The following CRTC3 variants were observed in gnomAD, a reference collection of about 807,000 sequenced individuals.
CRTC3 encodes the protein CREB regulated transcription coactivator 3.
In CRTC3, 26 loss-of-function variants were observed where a neutral mutation model predicts 74.5. That is an observed-to-expected ratio of 0.35 (90% confidence interval 0.26 to 0.48). The LOEUF is 0.48. Ranked by LOEUF, CRTC3 falls within the 20% of genes least tolerant of loss-of-function variation. The probability of loss-of-function intolerance (pLI) is 0.99; values close to 1 mark genes in which losing one functional copy is unlikely to be tolerated. For synonymous variants in CRTC3, 377 were observed against 325.8 expected (o/e 1.16, Z -1.69); for missense variants, 760 against 787.3 (o/e 0.97, Z 0.41).
At position 90,643,601 on chromosome 15, in the gene CRTC3, T is replaced by G. The variant is rs1433392117; in HGVS notation, c.*1461T>G. ...AGTTTATAGTAAAACGAAGGCCTAA[T>G]TCATGGAAGCATCATTAGTCATCAA... On this transcript the variant is annotated 3_prime_UTR_variant, in exon 15 of 15. Transcript: ENST00000268184. The G allele has an allele frequency of 4.3e-6, 1 of 229,976 alleles. No homozygotes were observed. Among genetic ancestry groups the G allele is most frequent in the Non-Finnish European group, 8.6e-6 (1 of 116,450 alleles). The allele number at this position is 229,976 out of a possible 1,614,324, so 14.2% of individuals were successfully genotyped here.
At chr15:90,596,249 G>T (rs1475510885) in intron 3 of CRTC3, 2 of 152,226 alleles carry the variant, frequency 1.3e-5, no homozygotes, top group Non-Finnish European at 2.9e-5. Flanking sequence ...AATGGTTTTA[G>T]ATGGTAATGA....
At chr15:90,623,862 C>G (rs1968735114) in intron 9 of CRTC3, among the ~76,000 whole-genome samples, 1 of 152,186 alleles carries the variant, frequency 6.6e-6, no homozygotes, top group Admixed American at 6.5e-5. Flanking sequence ...CCTCACAGTT[C>G]TGAGGGCACA....
rs1278212794 is a variant in CRTC3 at position 90,530,263 on chromosome 15, C to T, written c.132+60C>T. 1.0e-5 allele frequency: 10 copies of T among 991,814 alleles called. No individual in the cohort carries two copies. The East Asian group carries it at 6.0e-4, about 60-fold the overall frequency. 61.4% of individuals were successfully genotyped at this position (991,814 alleles called of 1,614,324 possible). On this transcript the variant is annotated intron_variant, in intron 1 of 14. Coordinates refer to ENST00000268184, the MANE Select transcript of CRTC3 (RefSeq NM_022769.5). The surrounding 1 kb of genome is among the most constrained non-coding windows in gnomAD (Gnocchi z 6.2). The stretch of plus-strand genomic sequence containing the variant: ...ACGGCCGCGGGCGGGACCCGCGCGG[C>T]GGGTGAGAGGTTGCGGGGCCAAGGC...
intron 2 of CRTC3, among the ~76,000 whole-genome samples, chr15:90,566,188 A>G (rs1967118167): frequency 1.3e-5 from 2 of 152,176 alleles, no homozygotes; most frequent in South Asian, 4.1e-4. Flanking sequence ...ATGAAGACTG[A>G]GAGAGCTGAG....
Position 90,530,087 on chromosome 15 carries a change from G to A in CRTC3, c.16G>A (p.Gly6Ser), listed in dbSNP as rs778396056. The part of the protein sequence containing the change: MAASP[G>S]SGSANPRKFS... ...AGTCCGCGCCATGGCCGCCTCGCCG[G>A]GCTCGGGCAGCGCCAACCCGCGGAA... The change falls in exon 1 of 15, where the codon GGC (glycine) becomes AGC (serine). Residue 6 changes from glycine to serine, a missense_variant. Around this residue, in one of 2 missense-constraint regions of CRTC3, gnomAD observed 108 missense variants for 152.1 expected, o/e 0.71. Coordinates refer to ENST00000268184, the MANE Select transcript of CRTC3 (RefSeq NM_022769.5). This position sits in a 1 kb window ranked among gnomAD's most constrained non-coding sequence, Gnocchi z 6.2. 2.1e-6 allele frequency: 3 copies of A among 1,440,828 alleles called. No individual in the cohort carries two copies. Among genetic ancestry groups the A allele is most frequent in the Non-Finnish European group, 2.8e-6 (3 of 1,080,986 alleles). 89.3% of individuals were successfully genotyped at this position (1,440,828 alleles called of 1,614,324 possible).
At chr15:90,547,142 G>A (rs546458017) in intron 2 of CRTC3, among the ~76,000 whole-genome samples, 2 of 151,930 alleles carry the variant, frequency 1.3e-5, no homozygotes, top group African/African-American at 4.8e-5. Flanking sequence ...ATATATTTAT[G>A]GTATACGATA....
intron 2 of CRTC3, among the ~76,000 whole-genome samples, chr15:90,565,068 G>A (rs1449260465): frequency 2.0e-5 from 3 of 152,098 alleles, no homozygotes; most frequent in East Asian, 1.9e-4. Context: ...ACAGCCTCCC[G>A]AGTAGGTGGG....
At chr15:90,545,428 C>A (rs960525848) in intron 2 of CRTC3, among the ~76,000 whole-genome samples, 14 of 132,710 alleles carry the variant, frequency 1.1e-4, no homozygotes, top group Non-Finnish European at 1.2e-4. Context: ...GAGACTGAAT[C>A]TCGCTCTGTC....
chr15:90,619,652 A>T, intron 8 of CRTC3, 89 bp from the exon 9 acceptor site: 2 of 1,046,360 alleles, frequency 1.9e-6, no homozygotes, highest in South Asian at 1.3e-5. Context: ...TGCGCCCACT[A>T]GAGCCTCAAG....
At chr15:90,632,190 A>ATTTTATAAGATCTAAAAGTATT (rs1969063928) in intron 11 of CRTC3, among the ~76,000 whole-genome samples, 2 of 150,944 alleles carry the variant, frequency 1.3e-5, no homozygotes, top group Non-Finnish European at 2.9e-5. Flanking sequence ...TTGCAAGATT[A>ATTTTATAAGATCTAAAAGTATT]TTTTATAAGA....
chr15:90,637,455 A>G (rs1969281908), intron 11 of CRTC3, among the ~76,000 whole-genome samples: 1 of 152,198 alleles, frequency 6.6e-6, no homozygotes, highest in African/African-American at 2.4e-5. Context: ...CCTAACGTAA[A>G]TGACGAGTTA....
chr15:90,587,345 G>A (rs1967689241), intron 2 of CRTC3, among the ~76,000 whole-genome samples: 1 of 152,138 alleles, frequency 6.6e-6, no homozygotes, highest in Non-Finnish European at 1.5e-5. Flanking sequence ...TGCTTCTTTT[G>A]GAAGATTCAC....
rs1968541224 is a variant in CRTC3 at position 90,618,096 on chromosome 15, GAT to G, written c.699+130_699+131del. On this transcript the variant is annotated intron_variant, in intron 8 of 14. Transcript: ENST00000268184. ...AGGAGAAGATTTGTCTGAGAACAGA[GAT>G]AAGAATATACAAGGGAAGGACGTTT... 1.0e-5 allele frequency: 6 copies of G among 574,834 alleles called. 1 individual carries two copies. The highest frequency in any genetic ancestry group is 8.7e-5 in the South Asian group (4 of 45,920). The allele number at this position is 574,834 out of a possible 1,614,324, so 35.6% of individuals were successfully genotyped here.
chr15:90,562,759 C>T (rs927461147), intron 2 of CRTC3, among the ~76,000 whole-genome samples: 1 of 152,062 alleles, frequency 6.6e-6, no homozygotes, highest in South Asian at 2.1e-4. Context: ...CACCCTGGAA[C>T]TTGGTTAAGA....
intron 2 of CRTC3, among the ~76,000 whole-genome samples, chr15:90,564,420 G>A (rs78909127): frequency 0.012 from 1,838 of 152,220 alleles, 35 homozygotes; most frequent in African/African-American, 0.042. Flanking sequence ...TGTGCAAATA[G>A]TTCTTAGGAA....
At chr15:90,539,952 A>T (rs1966776703) in intron 1 of CRTC3, 87 bp from the exon 2 acceptor site, 3 of 901,826 alleles carry the variant, frequency 3.3e-6, no homozygotes, top group Non-Finnish European at 5.4e-6. Context: ...TCATTCTTGA[A>T]CCGTTCCCCT....
rs897900955 is a variant in CRTC3 at position 90,555,855 on chromosome 15, G to A, written c.231+15718G>A. Among the ~76,000 whole-genome samples the A allele has an allele frequency of 4.6e-5, 7 of 151,908 alleles. No homozygotes were observed. The East Asian group carries it at 5.8e-4, about 13-fold the overall frequency. On this transcript the variant is annotated intron_variant, in intron 2 of 14. Transcript: ENST00000268184. ...TTAGCTTCCATTTTTAAACCTTTAC[G>A]TTCAGGAAAATACATTGCATTTGTT...
chr15:90,599,851 T>C (rs1968022770), intron 3 of CRTC3, among the ~76,000 whole-genome samples: 1 of 152,212 alleles, frequency 6.6e-6, no homozygotes, highest in South Asian at 2.1e-4. Context: ...GGCAGTGTAC[T>C]GAGAAAAATG....
At chr15:90,581,363 A>G (rs1967536981) in intron 2 of CRTC3, among the ~76,000 whole-genome samples, 1 of 152,184 alleles carries the variant, frequency 6.6e-6, no homozygotes, top group Non-Finnish European at 1.5e-5. Flanking sequence ...GCTTTATCTA[A>G]CTAAATATTC....
Sources: gnomAD v4.1 joint callset for allele counts (sites outside exome capture counted in the v4.1 genomes callset) on GRCh38, gnomAD v4.1.1 for gene constraint, gnomAD v4.1.1 regional missense constraint, Gnocchi (gnomAD v3.1) non-coding constraint, MANE v1.5 for transcripts, NCBI Gene and HGNC (gene_info 2026-07-23, HGNC 2026-07-21) for gene names.